SIX3: variants seen among roughly 807,000 people sequenced by gnomAD.
SIX3 encodes SIX homeobox 3, also known as homeobox protein SIX3.
In SIX3, 2 loss-of-function variants were observed where a neutral mutation model predicts 21.7. The observed-to-expected ratio is 0.09, with a 90% CI of 0.04 to 0.29. The LOEUF (loss-of-function observed/expected upper bound fraction) is 0.29. SIX3 is among the 10% of genes least tolerant of loss of function. SIX3 has a pLI of 1.00. For synonymous variants in SIX3, 243 were observed against 220.6 expected (o/e 1.10, Z -0.90); for missense variants, 347 against 480.7 (o/e 0.72, Z 2.60).
Position 44,942,296 on chromosome 2 carries a change from C to A in SIX3, c.192C>A (p.Gly64=), listed in dbSNP as rs758370043. ...GCGGCGGTGCTGGCGGAGCAGGCGG[C>A]GGCGGCGGCGGCGGCTCCAGGGCCC... The part of the protein sequence containing the change: ...AGGGGAGGAG[G]GGGGGSRAPP... Residue 64 remains glycine (G), a synonymous_variant, in exon 1 of 2, where the codon GGC becomes GGA. Coordinates refer to ENST00000260653, the MANE Select transcript of SIX3 (RefSeq NM_005413.4). This position sits in a 1 kb window ranked among gnomAD's most constrained non-coding sequence, Gnocchi z 8.4. 6.4e-7 allele frequency: 1 copy of A among 1,565,140 alleles called. No homozygotes were observed. The highest frequency in any genetic ancestry group is 8.6e-7 in the Non-Finnish European group (1 of 1,162,998).
rs767766940 is a variant in SIX3 at position 44,942,659 on chromosome 2, C to G, written c.555C>G (p.Leu185=). The G allele has an allele frequency of 2.5e-6, 4 of 1,598,718 alleles. No individual in the cohort carries two copies. Among genetic ancestry groups the G allele is most frequent in the South Asian group, 2.2e-5 (2 of 90,812 alleles). The change falls in exon 1 of 2, where the codon CTC becomes CTG. Residue 185 remains leucine, a synonymous_variant. Coordinates refer to ENST00000260653, the MANE Select transcript of SIX3 (RefSeq NM_005413.4). The surrounding 1 kb of genome is among the most constrained non-coding windows in gnomAD (Gnocchi z 8.4). ...QEAEKLRGRP[L]GPVDKYRVRK... ...CCGAGAAGCTGCGCGGCCGCCCACT[C>G]GGCCCGGTGGACAAGTACCGCGTGC...
chr2:44,941,753 G>T lies in SIX3; in HGVS notation c.-352G>T. 3.3e-6 allele frequency: 1 copy of T among 305,986 alleles called. No individual in the cohort carries two copies. The highest frequency in any genetic ancestry group is 6.4e-6 in the Non-Finnish European group (1 of 156,762). The allele number at this position is 305,986 out of a possible 1,614,324, so 19.0% of individuals were successfully genotyped here. A position where few individuals can be genotyped will look rare whatever the true frequency, so the allele number is the denominator to read the frequency against. On this transcript the variant is annotated 5_prime_UTR_variant, in exon 1 of 2. Coordinates refer to ENST00000260653, the MANE Select transcript of SIX3 (RefSeq NM_005413.4). ...ATTATGAGGCTGTTGTCATTAGGGC[G>T]ATTGCGGTGGAATCGCTGAATCTTG...
At chr2:44,943,906 C>G (rs567955963) in intron 1 of SIX3, among the ~76,000 whole-genome samples, 15 of 152,288 alleles carry the variant, frequency 9.8e-5, no homozygotes, top group Middle Eastern at 3.4e-3. Flanking sequence ...GACCTGAGCC[C>G]ATGGCCCTCT....
rs1479578284 is a variant in SIX3, at chr2:44,942,130, T to C, written c.26T>C (p.Leu9Pro). 3.1e-6 allele frequency: 5 copies of C among 1,596,402 alleles called. No homozygotes were observed. In the East Asian group the frequency reaches 1.1e-4, roughly 36 times the overall value. The change falls in exon 1 of 2, where the codon CTC becomes CCC. Residue 9 changes from leucine (L) to proline (P), a missense_variant. Physicochemically the swap from Leu to Pro is moderately conservative, Grantham distance 98. Around this residue, in one of 4 missense-constraint regions of SIX3, gnomAD observed 105 missense variants for 116.1 expected, o/e 0.90. Transcript: ENST00000260653. The surrounding 1 kb of genome is among the most constrained non-coding windows in gnomAD (Gnocchi z 8.4). ...ATGGTATTCCGCTCCCCCCTAGACC[T>C]CTATTCCTCCCACTTCTTGTTGCCA... MVFRSPLD[L>P]YSSHFLLPNF...
rs773045257 is a variant in SIX3, at chr2:44,942,215, TGCGGGAGGCGGCGGCGGC to T, written c.124_141del (p.Gly42_Gly47del). On this transcript the variant is annotated inframe_deletion, in exon 1 of 2. Coordinates refer to ENST00000260653, the MANE Select transcript of SIX3 (RefSeq NM_005413.4). This position sits in a 1 kb window ranked among gnomAD's most constrained non-coding sequence, Gnocchi z 8.4. Reference sequence around the variant, plus strand: ...TGGCGAGTAGCGGCGGCGGGAACGGTGCGGGAGGCGGCGGCGGCGCGGGAGGCGGCAGCGGCGGCGGGA... The same window carrying T: ...TGGCGAGTAGCGGCGGCGGGAACGGTGCGGGAGGCGGCAGCGGCGGCGGGA... 47 of 1,588,634 alleles carry T rather than the reference TGCGGGAGGCGGCGGCGGC, an allele frequency of 3.0e-5. No individual in the cohort carries two copies. Among genetic ancestry groups the T allele is most frequent in the Non-Finnish European group, 3.7e-5 (44 of 1,174,410 alleles).
intron 1 of SIX3, 110 bp downstream of exon 1, chr2:44,943,020 C>G: frequency 2.1e-6 from 3 of 1,445,968 alleles, no homozygotes; most frequent in Non-Finnish European, 2.7e-6. Context: ...AGCCGTGACT[C>G]CTGGCCAGTC....
In SIX3 at chr2:44,942,042, C is replaced by G; in HGVS notation, c.-63C>G. On this transcript the variant is annotated 5_prime_UTR_variant, in exon 1 of 2. Transcript: ENST00000260653. This position sits in a 1 kb window ranked among gnomAD's most constrained non-coding sequence, Gnocchi z 8.4. ...TCCTCCTGGTCCTCATCGCCCCTCTCCTCCTCTTCCTCCCCTCTCTCTTCC... is the reference window on the plus strand; with the variant it reads ...TCCTCCTGGTCCTCATCGCCCCTCTGCTCCTCTTCCTCCCCTCTCTCTTCC... The G allele has an allele frequency of 7.5e-7, 1 of 1,340,014 alleles. No homozygotes were observed. 83.0% of individuals were successfully genotyped at this position (1,340,014 alleles called of 1,614,324 possible). A position where few individuals can be genotyped will look rare whatever the true frequency, so the allele number is the denominator to read the frequency against.
At position 44,945,444 on chromosome 2, in the gene SIX3, T is replaced by C. The variant is rs576022833; in HGVS notation, c.*684T>C. 1 of 151,062 alleles carries C rather than the reference T, an allele frequency of 6.6e-6. No individual in the cohort carries two copies. The highest frequency in any genetic ancestry group is 2.4e-5 in the African/African-American group (1 of 41,210). 9.4% of individuals were successfully genotyped at this position (151,062 alleles called of 1,614,324 possible). ...TTTTTTTTCTCTCGCTCTCTTTCTT[T>C]CTCTTCTTCTCTCTGTTTTTAAGTC... On this transcript the variant is annotated 3_prime_UTR_variant, in exon 2 of 2. Transcript: ENST00000260653.
At position 44,942,221 on chromosome 2, in the gene SIX3, A is replaced by T; in HGVS notation, c.117A>T (p.Gly39=). The T allele has an allele frequency of 1.3e-6, 2 of 1,585,966 alleles. No individual in the cohort carries two copies. Among genetic ancestry groups the T allele is most frequent in the Non-Finnish European group, 1.7e-6 (2 of 1,173,008 alleles). ...GTAGCGGCGGCGGGAACGGTGCGGG[A>T]GGCGGCGGCGGCGCGGGAGGCGGCA... ...LASSGGGNGA[G]GGGGAGGGSG... Residue 39 remains glycine, a synonymous_variant, in exon 1 of 2, where the codon GGA becomes GGT. Coordinates refer to ENST00000260653, the MANE Select transcript of SIX3 (RefSeq NM_005413.4). This position sits in a 1 kb window ranked among gnomAD's most constrained non-coding sequence, Gnocchi z 8.4.
chr2:44,945,112 A>C lies in SIX3; in HGVS notation c.*352A>C. On this transcript the variant is annotated 3_prime_UTR_variant, in exon 2 of 2. Coordinates refer to ENST00000260653, the MANE Select transcript of SIX3 (RefSeq NM_005413.4). ...CAATTGTATACTTTCTAGGACAAGC[A>C]CGGCTTCTCCTTTCGGTTCCCATGG... is the stretch of plus-strand genomic sequence containing the variant. 5 of 300,044 alleles carry C rather than the reference A, an allele frequency of 1.7e-5. No homozygotes were observed. The highest frequency in any genetic ancestry group is 7.2e-5 in the East Asian group (1 of 13,858). The allele number at this position is 300,044 out of a possible 1,614,324, so 18.6% of individuals were successfully genotyped here.
rs1364112503 is a variant in SIX3, at chr2:44,942,737, T to C, written c.633T>C (p.His211=). 14 of 1,601,604 alleles carry C rather than the reference T, an allele frequency of 8.7e-6. No individual in the cohort carries two copies. Among genetic ancestry groups the C allele is most frequent in the East Asian group, 2.2e-5 (1 of 44,860 alleles). ...RTIWDGEQKT[H]CFKERTRSLL... Reference sequence around the variant, plus strand: ...TCTGGGACGGCGAGCAGAAGACGCATTGCTTCAAGGAGCGGACTCGGAGCC... The same window carrying C: ...TCTGGGACGGCGAGCAGAAGACGCACTGCTTCAAGGAGCGGACTCGGAGCC... The change falls in exon 1 of 2, where the codon CAT becomes CAC. Residue 211 remains histidine (H), a synonymous_variant. Transcript: ENST00000260653. This position sits in a 1 kb window ranked among gnomAD's most constrained non-coding sequence, Gnocchi z 8.4.
chr2:44,944,778 C>G lies in SIX3; in HGVS notation c.*18C>G, dbSNP rs756962184. Reference sequence around the variant, plus strand: ...ATGTATGATAGCCAAGGCCGCCCTCCTCCCTCTCCTTCCCCTCCTCCCCCA... The same window carrying G: ...ATGTATGATAGCCAAGGCCGCCCTCGTCCCTCTCCTTCCCCTCCTCCCCCA... On this transcript the variant is annotated 3_prime_UTR_variant, in exon 2 of 2. Coordinates refer to ENST00000260653, the MANE Select transcript of SIX3 (RefSeq NM_005413.4). 3 of 1,561,070 alleles carry G rather than the reference C, an allele frequency of 1.9e-6. No individual in the cohort carries two copies. The highest frequency in any genetic ancestry group is 2.6e-6 in the Non-Finnish European group (3 of 1,158,778).
In SIX3 at chr2:44,942,033, C is replaced by G; in HGVS notation, c.-72C>G. On this transcript the variant is annotated 5_prime_UTR_variant, in exon 1 of 2. In the 5' UTR this introduces an upstream ATG that the reference lacks. Transcript: ENST00000260653. This position sits in a 1 kb window ranked among gnomAD's most constrained non-coding sequence, Gnocchi z 8.4. ...TCCTCTCCCTCCTCCTGGTCCTCAT[C>G]GCCCCTCTCCTCCTCTTCCTCCCCT... is the stretch of plus-strand genomic sequence containing the variant. The G allele has an allele frequency of 8.4e-7, 1 of 1,185,850 alleles. No homozygotes were observed. Among genetic ancestry groups the G allele is most frequent in the Non-Finnish European group, 1.2e-6 (1 of 821,544 alleles). The allele number at this position is 1,185,850 out of a possible 1,614,324, so 73.5% of individuals were successfully genotyped here.
chr2:44,945,022 A>C lies in SIX3; in HGVS notation c.*262A>C. On this transcript the variant is annotated 3_prime_UTR_variant, in exon 2 of 2. Transcript: ENST00000260653. ...ACCATCTACCACTACGGCCACCCCA[A>C]AGGACCCCGACGCCAACAGACAGTC... 2.0e-5 allele frequency: 11 copies of C among 544,210 alleles called. No homozygotes were observed. The highest frequency in any genetic ancestry group is 9.5e-5 in the East Asian group (3 of 31,510). 33.7% of individuals were successfully genotyped at this position (544,210 alleles called of 1,614,324 possible).
Position 44,942,318 on chromosome 2 carries a change from G to GC in SIX3, c.221dup (p.Glu75GlyfsTer23), listed in dbSNP as rs760462666. ...CGGCGGCGGCGGCGGCGGCTCCAGG[G>GC]CCCCCCCGGAAGAGTTGTCCATGTT... On this transcript the variant is annotated frameshift_variant, in exon 1 of 2. Transcript: ENST00000260653. LOFTEE classifies it high-confidence loss of function. The surrounding 1 kb of genome is among the most constrained non-coding windows in gnomAD (Gnocchi z 8.4). 3.8e-6 allele frequency: 6 copies of GC among 1,589,540 alleles called. No homozygotes were observed. The highest frequency in any genetic ancestry group is 4.3e-6 in the Non-Finnish European group (5 of 1,175,488).
chr2:44,943,959 G>T (rs1017156060), intron 1 of SIX3, among the ~76,000 whole-genome samples: 3 of 152,144 alleles, frequency 2.0e-5, no homozygotes, highest in African/African-American at 7.2e-5. Context: ...TGAGGGGAGC[G>T]CCCAGGGTCA....
intron 1 of SIX3, 95 bp downstream of exon 1, chr2:44,943,005 AG>A: frequency 1.4e-6 from 2 of 1,475,188 alleles, no homozygotes; most frequent in African/African-American, 1.4e-5. Context: ...GCTGAGAGCC[AG>A]GGAAGCCGTG....
Position 44,941,826 on chromosome 2 carries a change from C to T in SIX3, c.-279C>T, listed in dbSNP as rs1199727134. 3 of 385,848 alleles carry T rather than the reference C, an allele frequency of 7.8e-6. No individual in the cohort carries two copies. The highest frequency in any genetic ancestry group is 2.9e-5 in the South Asian group (1 of 34,482). 23.9% of individuals were successfully genotyped at this position (385,848 alleles called of 1,614,324 possible). A position where few individuals can be genotyped will look rare whatever the true frequency, so the allele number is the denominator to read the frequency against. ...CTCTCCTCTCTCCCTCTCCCTCTCCCTCTCTGTCTCGGGTTCTCTCTCTGC... is the reference window on the plus strand; with the variant it reads ...CTCTCCTCTCTCCCTCTCCCTCTCCTTCTCTGTCTCGGGTTCTCTCTCTGC... On this transcript the variant is annotated 5_prime_UTR_variant, in exon 1 of 2. Transcript: ENST00000260653.
intron 1 of SIX3, among the ~76,000 whole-genome samples, chr2:44,944,105 C>T (rs977897458): frequency 6.6e-6 from 1 of 152,258 alleles, no homozygotes; most frequent in Non-Finnish European, 1.5e-5. Context: ...TCTCCCTGCT[C>T]TTTCCCCACT....
Sources: gnomAD v4.1 joint callset for allele counts (sites outside exome capture counted in the v4.1 genomes callset) on GRCh38, gnomAD v4.1.1 for gene constraint, gnomAD v4.1.1 regional missense constraint, Gnocchi (gnomAD v3.1) non-coding constraint, MANE v1.5 for transcripts, NCBI Gene and HGNC (gene_info 2026-07-23, HGNC 2026-07-21) for gene names.